LINGO2: variants seen among roughly 807,000 people sequenced by gnomAD.
LINGO2 encodes leucine rich repeat and Ig domain containing 2, also known as leucine-rich repeat and immunoglobulin-like domain-containing nogo receptor-interacting protein 2.
A neutral mutation model predicts 30.6 loss-of-function variants in LINGO2; 14 were observed. The ratio of observed to expected loss-of-function variants is 0.46; its 90% CI spans 0.30 to 0.72. LINGO2 has a LOEUF of 0.72. Ranked by LOEUF, LINGO2 falls within the 30% of genes least tolerant of loss-of-function variation. LINGO2 has a pLI of 0.07. For missense variants in LINGO2, 729 were observed against 751.7 expected, an observed-to-expected ratio of 0.97 and a Z score of 0.35; for synonymous variants, 317 against 288.5, an observed-to-expected ratio of 1.10 and a Z score of -1.00.
the LINGO2 span, among the ~76,000 whole-genome samples, chr9:28,684,358 T>C: frequency 1.3e-5 from 2 of 150,806 alleles, no homozygotes; most frequent in Admixed American, 6.6e-5. Context: ...CGGCTAATTT[T>C]TTGTGTTTTT....
chr9:28,898,356 A>G, the LINGO2 span, among the ~76,000 whole-genome samples: 1 of 152,170 alleles, frequency 6.6e-6, no homozygotes. Flanking sequence ...CAAGCCCAGA[A>G]AAAAGAATAA....
the LINGO2 span, among the ~76,000 whole-genome samples, chr9:29,054,296 A>G: frequency 6.6e-6 from 1 of 152,184 alleles, no homozygotes; most frequent in African/African-American, 2.4e-5. Context: ...TGTATCATGA[A>G]GCAGAAAAAC....
intron 5 of LINGO2, among the ~76,000 whole-genome samples, chr9:28,004,280 T>TA (rs1367745426): frequency 3.0e-4 from 46 of 152,154 alleles, no homozygotes; most frequent in African/African-American, 1.0e-3. Flanking sequence ...GCAAGATAAA[T>TA]TATATTATTT....
chr9:27,993,212 C>T (rs536257510), intron 5 of LINGO2, among the ~76,000 whole-genome samples: 1 of 152,136 alleles, frequency 6.6e-6, no homozygotes, highest in Admixed American at 6.6e-5. Context: ...AATTTTCCCC[C>T]CTCTTTTTCT....
chr9:28,052,641 A>C (rs1322876399), intron 4 of LINGO2, among the ~76,000 whole-genome samples: 2 of 152,080 alleles, frequency 1.3e-5, no homozygotes, highest in Non-Finnish European at 2.9e-5. Context: ...CAAAGATGAA[A>C]CCAGCAAATC....
At chr9:28,104,261 TGTTTG>T (rs138310517) in intron 4 of LINGO2, among the ~76,000 whole-genome samples, 75 of 123,796 alleles carry the variant, frequency 6.1e-4, no homozygotes, top group East Asian at 1.2e-3. Flanking sequence ...ACAAGTTTTT[TGTTTG>T]TTTTTTTTTT....
chr9:28,587,035 G>GC (rs1824581538), intron 1 of LINGO2, among the ~76,000 whole-genome samples: 1 of 151,856 alleles, frequency 6.6e-6, no homozygotes, highest in African/African-American at 2.4e-5. Context: ...GATTCGTAAG[G>GC]CTTCATACAG....
intron 5 of LINGO2, among the ~76,000 whole-genome samples, chr9:27,986,205 G>T (rs1821116320): frequency 6.6e-6 from 1 of 150,920 alleles, no homozygotes; most frequent in African/African-American, 2.4e-5. Context: ...ACAGAAGATG[G>T]TCCATTATCC....
the LINGO2 span, among the ~76,000 whole-genome samples, chr9:29,038,207 G>A: frequency 6.6e-6 from 1 of 152,022 alleles, no homozygotes; most frequent in African/African-American, 2.4e-5. Flanking sequence ...TGTTTCCAAA[G>A]TGGTTGTATC....
In LINGO2 at chr9:28,287,467, C is replaced by T. The variant is rs538605744; in HGVS notation, c.-87+7741G>A. Among the ~76,000 whole-genome samples the T allele has an allele frequency of 2.0e-5, 3 of 152,300 alleles. No individual in the cohort carries two copies. The South Asian group carries it at 6.2e-4, about 32-fold the overall frequency. ...CTTAAAATATCCCCTATTATTTTCACCACACATGCACTGTAATGGAAAGGA... is the reference window on the plus strand; with the variant it reads ...CTTAAAATATCCCCTATTATTTTCATCACACATGCACTGTAATGGAAAGGA... On this transcript the variant is annotated intron_variant, in intron 4 of 5. Coordinates refer to ENST00000379992, the Ensembl canonical transcript of LINGO2.
intron 4 of LINGO2, among the ~76,000 whole-genome samples, chr9:28,150,114 G>T (rs4878746): frequency 2.0e-5 from 3 of 148,770 alleles, no homozygotes; most frequent in Non-Finnish European, 3.0e-5. Context: ...CCCAGCCACC[G>T]CCCTGTCTGG....
At chr9:28,379,267 G>T (rs1587576148) in intron 2 of LINGO2, among the ~76,000 whole-genome samples, 1 of 152,086 alleles carries the variant, frequency 6.6e-6, no homozygotes, top group Admixed American at 6.6e-5. Context: ...GGTAGCACCT[G>T]CAAGAGACTG....
At chr9:28,841,032 C>T in the LINGO2 span, among the ~76,000 whole-genome samples, 1 of 151,768 alleles carries the variant, frequency 6.6e-6, no homozygotes, top group African/African-American at 2.4e-5. Context: ...TTTCAGGTGG[C>T]TTTCCTTGGA....
chr9:28,717,798 G>A, the LINGO2 span, among the ~76,000 whole-genome samples: 1 of 151,960 alleles, frequency 6.6e-6, no homozygotes, highest in Admixed American at 6.6e-5. Context: ...AATTTTTCAG[G>A]TGCTGGACCA....
intron 2 of LINGO2, among the ~76,000 whole-genome samples, chr9:28,429,097 T>G (rs1248040446): frequency 1.3e-5 from 2 of 152,184 alleles, no homozygotes; most frequent in East Asian, 3.9e-4. Context: ...ACAGCACTAT[T>G]CTAATAAATC....
the LINGO2 span, among the ~76,000 whole-genome samples, chr9:29,085,357 G>T: frequency 1.5e-5 from 2 of 129,490 alleles, no homozygotes; most frequent in African/African-American, 5.6e-5. Context: ...GCTGTCTTAA[G>T]AAAGACAAAA....
At chr9:28,366,985 C>T (rs1295578121) in intron 3 of LINGO2, among the ~76,000 whole-genome samples, 3 of 152,020 alleles carry the variant, frequency 2.0e-5, no homozygotes, top group Non-Finnish European at 4.4e-5. Flanking sequence ...TCCTCCTCCT[C>T]CTTTTTATCT....
At chr9:28,331,303 A>G (rs1467196095) in intron 3 of LINGO2, among the ~76,000 whole-genome samples, 2 of 152,116 alleles carry the variant, frequency 1.3e-5, no homozygotes, top group East Asian at 3.9e-4. Flanking sequence ...AAGAACAAAA[A>G]CCAAATAAAC....
the LINGO2 span, among the ~76,000 whole-genome samples, chr9:28,752,567 A>G: frequency 2.6e-5 from 4 of 152,008 alleles, no homozygotes; most frequent in African/African-American, 4.8e-5. Flanking sequence ...TCTGTGAAAT[A>G]CTCTGTGTGA....
Sources: gnomAD v4.1 joint callset for allele counts (sites outside exome capture counted in the v4.1 genomes callset) on GRCh38, gnomAD v4.1.1 for gene constraint, MANE v1.5 for transcripts, NCBI Gene and HGNC (gene_info 2026-07-23, HGNC 2026-07-21) for gene names.